IGSF21: variants seen among roughly 807,000 people sequenced by gnomAD.
IGSF21 encodes the protein immunoglobin superfamily member 21.
In IGSF21, 28 loss-of-function variants were observed where a neutral mutation model predicts 46.8. The observed-to-expected ratio is 0.60, with a 90% CI of 0.44 to 0.82. IGSF21 has a LOEUF of 0.82. IGSF21 is among the 40% of genes least tolerant of loss of function. IGSF21 has a pLI of 0.00. For synonymous variants in IGSF21, 284 were observed against 273.6 expected, an observed-to-expected ratio of 1.04 and a Z score of -0.38; for missense variants, 624 against 665.5, an observed-to-expected ratio of 0.94 and a Z score of 0.69.
intron 1 of IGSF21, among the ~76,000 whole-genome samples, chr1:18,144,298 C>G (rs1324824425): frequency 6.6e-6 from 1 of 152,144 alleles, no homozygotes; most frequent in Non-Finnish European, 1.5e-5. Context: ...ATTGAGTCCA[C>G]AGGCGGCTCA....
intron 1 of IGSF21, among the ~76,000 whole-genome samples, chr1:18,200,025 C>CT (rs1210741282): frequency 5.3e-5 from 8 of 152,138 alleles, no homozygotes; most frequent in African/African-American, 1.9e-4. Flanking sequence ...CCTGCTCCTT[C>CT]CCCACTCATG....
rs2086309015 is a variant in IGSF21 at position 18,378,418 on chromosome 1, C to G, written c.*92C>G. On this transcript the variant is annotated 3_prime_UTR_variant, in exon 10 of 10. Coordinates refer to ENST00000251296, the MANE Select transcript of IGSF21 (RefSeq NM_032880.5). ...AACTATTTCCAGTCTTGTTCTTAGT[C>G]TCTTTCCATCTGTGTCTTGGCTTCT... is the stretch of plus-strand genomic sequence containing the variant. 9.5e-7 allele frequency: 1 copy of G among 1,056,598 alleles called. No homozygotes were observed. Among genetic ancestry groups the G allele is most frequent in the Non-Finnish European group, 1.4e-6 (1 of 714,052 alleles). 65.5% of individuals were successfully genotyped at this position (1,056,598 alleles called of 1,614,324 possible).
At chr1:18,362,283 T>C in intron 5 of IGSF21, 53 bp downstream of exon 5, 1 of 1,305,110 alleles carries the variant, frequency 7.7e-7, no homozygotes, top group Non-Finnish European at 1.1e-6. Context: ...CCACCCTGCT[T>C]CGGGGCTGGT....
intron 1 of IGSF21, among the ~76,000 whole-genome samples, chr1:18,165,683 T>C (rs1395870361): frequency 6.6e-6 from 1 of 152,210 alleles, no homozygotes; most frequent in Non-Finnish European, 1.5e-5. Context: ...TGTGCTAACA[T>C]CCTTAAATAT....
chr1:18,232,417 C>A (rs1265583939), intron 2 of IGSF21, among the ~76,000 whole-genome samples: 1 of 152,116 alleles, frequency 6.6e-6, no homozygotes, highest in Non-Finnish European at 1.5e-5. Flanking sequence ...GAGTGGCTGA[C>A]ATTATTGAGC....
At position 18,376,899 on chromosome 1, in the gene IGSF21, C is replaced by A. The variant is rs773303751; in HGVS notation, c.1201C>A (p.Arg401=). The change falls in exon 8 of 10, where the codon CGG becomes AGG. Residue 401 remains arginine, a synonymous_variant. Transcript: ENST00000251296. ...CGACGGGAAGGAGCTGGTGCTGGAGCGGGTTCCCGCCGAGCTCAATGGCTC... is the reference window on the plus strand; with the variant it reads ...CGACGGGAAGGAGCTGGTGCTGGAGAGGGTTCCCGCCGAGCTCAATGGCTC... ...EFDGKELVLE[R]VPAELNGSMY... The A allele has an allele frequency of 1.9e-6, 3 of 1,612,794 alleles. No individual in the cohort carries two copies. The highest frequency in any genetic ancestry group is 1.3e-5 in the African/African-American group (1 of 74,922).
intron 4 of IGSF21, among the ~76,000 whole-genome samples, chr1:18,336,692 C>A (rs1033871905): frequency 6.6e-6 from 1 of 152,198 alleles, no homozygotes; most frequent in Non-Finnish European, 1.5e-5. Flanking sequence ...CACCAAAGAA[C>A]CCTGAGCAGG....
intron 1 of IGSF21, among the ~76,000 whole-genome samples, chr1:18,178,867 C>T (rs950089488): frequency 5.3e-5 from 8 of 152,194 alleles, no homozygotes; most frequent in African/African-American, 1.9e-4. Context: ...GCTTATTCTC[C>T]GCCCTTCCTC....
At chr1:18,160,584 T>G (rs996814630) in intron 1 of IGSF21, among the ~76,000 whole-genome samples, 1 of 151,764 alleles carries the variant, frequency 6.6e-6, no homozygotes, top group African/African-American at 2.4e-5. Flanking sequence ...TCTGGTAACA[T>G]GAGGATCGTA....
At chr1:18,344,827 T>C (rs905990360) in intron 4 of IGSF21, among the ~76,000 whole-genome samples, 24 of 152,060 alleles carry the variant, frequency 1.6e-4, no homozygotes, top group African/African-American at 5.1e-4. Flanking sequence ...AGAGCCTGAG[T>C]GGATGAACCA....
intron 6 of IGSF21, among the ~76,000 whole-genome samples, chr1:18,374,685 G>T (rs921069356): frequency 6.6e-5 from 10 of 152,088 alleles, no homozygotes; most frequent in Non-Finnish European, 1.2e-4. Flanking sequence ...ATAGTCCTTT[G>T]ATTTCATTCT....
At chr1:18,156,283 G>A (rs114046125) in intron 1 of IGSF21, among the ~76,000 whole-genome samples, 127 of 152,282 alleles carry the variant, frequency 8.3e-4, no homozygotes, top group African/African-American at 2.9e-3. Flanking sequence ...AGGCTGGACC[G>A]GGCACTCCTC....
At chr1:18,320,383 A>G (rs1313932546) in intron 3 of IGSF21, among the ~76,000 whole-genome samples, 1 of 152,208 alleles carries the variant, frequency 6.6e-6, no homozygotes, top group Non-Finnish European at 1.5e-5. Flanking sequence ...GAGAACCCAG[A>G]TTGAAGGACT....
chr1:18,113,149 G>A (rs2086157655), intron 1 of IGSF21: 1 of 152,212 alleles, frequency 6.6e-6, no homozygotes, highest in Non-Finnish European at 1.5e-5. Context: ...CTTACTACTT[G>A]TAGGAGGCTG....
At chr1:18,338,516 C>T (rs903683327) in intron 4 of IGSF21, among the ~76,000 whole-genome samples, 2 of 152,094 alleles carry the variant, frequency 1.3e-5, no homozygotes, top group South Asian at 2.1e-4. Context: ...GAAGGAGAGC[C>T]GAGGAGCTGG....
chr1:18,329,445 C>T (rs2085690686), intron 3 of IGSF21, among the ~76,000 whole-genome samples: 2 of 152,174 alleles, frequency 1.3e-5, no homozygotes, highest in African/African-American at 4.8e-5. Context: ...GCTCTTGACT[C>T]CTGGTGCAGA....
chr1:18,201,752 T>C (rs2087077894), intron 1 of IGSF21, among the ~76,000 whole-genome samples: 1 of 152,122 alleles, frequency 6.6e-6, no homozygotes, highest in South Asian at 2.1e-4. Context: ...CCCTCTCCCA[T>C]CCCATGCCGA....
Position 18,177,675 on chromosome 1 carries a change from AT to A in IGSF21, c.71-50222del, listed in dbSNP as rs529879576. On this transcript the variant is annotated intron_variant, in intron 1 of 9. Transcript: ENST00000251296. ...TGCCTGGGGAATGATCAAATGTCTCATCCCCTCTCTCCACTTGAACAAGGAA... is the reference window on the plus strand; with the variant it reads ...TGCCTGGGGAATGATCAAATGTCTCACCCCTCTCTCCACTTGAACAAGGAA... 4.6e-5 allele frequency among the ~76,000 whole-genome samples: 7 copies of A among 152,166 alleles called. No homozygotes were observed. The South Asian group carries it at 1.5e-3, about 32-fold the overall frequency.
intron 1 of IGSF21, among the ~76,000 whole-genome samples, chr1:18,122,776 A>G (rs559281388): frequency 1.3e-5 from 2 of 151,942 alleles, no homozygotes; most frequent in South Asian, 4.2e-4. Context: ...GCATGCCACC[A>G]CGCCCCAGCT....
Sources: allele counts gnomAD v4.1 joint callset (sites outside exome capture counted in the v4.1 genomes callset), GRCh38; gene constraint gnomAD v4.1.1; transcripts MANE v1.5; gene names NCBI Gene and HGNC (gene_info 2026-07-23, HGNC 2026-07-21).